Variants in LINGO2 observed in about 807,000 individuals in gnomAD.
LINGO2 encodes leucine rich repeat and Ig domain containing 2.
In LINGO2, 14 loss-of-function variants were observed where a neutral mutation model predicts 30.6. The ratio of observed to expected loss-of-function variants is 0.46; its 90% CI spans 0.30 to 0.72. The LOEUF is 0.72. Ranked by LOEUF, LINGO2 falls within the 30% of genes least tolerant of loss-of-function variation. The pLI is 0.07. For synonymous variants in LINGO2, 317 were observed against 288.5 expected (o/e 1.10, Z -1.00); for missense variants, 729 against 751.7 (o/e 0.97, Z 0.35).
chr9:29,095,477 T>C, the LINGO2 span, among the ~76,000 whole-genome samples: 4 of 137,796 alleles, frequency 2.9e-5, 1 homozygote, highest in Non-Finnish European at 6.3e-5. Context: ...TGAAACACAA[T>C]AGGTTAGCCT....
chr9:28,069,964 G>A (rs1587806561), intron 4 of LINGO2, among the ~76,000 whole-genome samples: 1 of 152,202 alleles, frequency 6.6e-6, no homozygotes, highest in African/African-American at 2.4e-5. Context: ...AGCAGGGGCA[G>A]CTCAAGAAGC....
chr9:28,693,449 G>A, the LINGO2 span, among the ~76,000 whole-genome samples: 181 of 152,022 alleles, frequency 1.2e-3, 1 homozygote, highest in African/African-American at 4.2e-3. Context: ...GATTTTAAGA[G>A]GCCATTATGT....
the LINGO2 span, among the ~76,000 whole-genome samples, chr9:28,970,922 A>G: frequency 6.6e-6 from 1 of 152,168 alleles, no homozygotes; most frequent in African/African-American, 2.4e-5. Context: ...AAGTACTGGC[A>G]TCACTCGTCC....
chr9:28,176,982 C>T (rs1305753960), intron 4 of LINGO2, among the ~76,000 whole-genome samples: 1 of 152,168 alleles, frequency 6.6e-6, no homozygotes, highest in Non-Finnish European at 1.5e-5. Context: ...CACAATAATA[C>T]TTCCTCATTT....
rs546998512 is a variant in LINGO2 at position 28,035,103 on chromosome 9, A to G, written c.-86-22698T>C. 1.6e-4 allele frequency among the ~76,000 whole-genome samples: 25 copies of G among 152,342 alleles called. No homozygotes were observed. In the South Asian group the frequency reaches 5.2e-3, roughly 32 times the overall value. ...CTTTCTAAAAAACCAAAAATTATGC[A>G]TTAGCTTGCAGCACCTACACTCTAG... On this transcript the variant is annotated intron_variant, in intron 4 of 5. Transcript: ENST00000379992.
chr9:28,665,550 G>C (rs1370873902), intron 1 of LINGO2, among the ~76,000 whole-genome samples: 4 of 152,028 alleles, frequency 2.6e-5, no homozygotes, highest in Non-Finnish European at 5.9e-5. Flanking sequence ...CTTCATAAAG[G>C]ATGAAGAAAA....
At chr9:28,965,000 T>C in the LINGO2 span, among the ~76,000 whole-genome samples, 1 of 151,868 alleles carries the variant, frequency 6.6e-6, no homozygotes, top group Admixed American at 6.6e-5. Context: ...ATTTTAAAAA[T>C]AGAAGATAAG....
chr9:28,515,772 T>C (rs1820596814), intron 1 of LINGO2, among the ~76,000 whole-genome samples: 1 of 152,226 alleles, frequency 6.6e-6, no homozygotes. Flanking sequence ...ATAAACTTTG[T>C]TGATAAAGCA....
At chr9:28,495,021 G>A (rs528276611) in intron 1 of LINGO2, among the ~76,000 whole-genome samples, 7 of 152,162 alleles carry the variant, frequency 4.6e-5, no homozygotes, top group African/African-American at 1.4e-4. Flanking sequence ...GTTTTCTTTT[G>A]AGAAGTGTCT....
the LINGO2 span, among the ~76,000 whole-genome samples, chr9:28,681,139 A>C: frequency 1.3e-5 from 2 of 151,894 alleles, no homozygotes; most frequent in East Asian, 3.9e-4. Flanking sequence ...ATAAGGGTCT[A>C]AATTCACTCT....
chr9:28,319,230 C>T (rs945767983), intron 3 of LINGO2, among the ~76,000 whole-genome samples: 1 of 152,042 alleles, frequency 6.6e-6, no homozygotes, highest in East Asian at 1.9e-4. Context: ...TAGGGATGGC[C>T]ACCCACCTTC....
the LINGO2 span, among the ~76,000 whole-genome samples, chr9:28,906,662 A>G: frequency 1.3e-5 from 2 of 151,938 alleles, no homozygotes; most frequent in African/African-American, 4.8e-5. Context: ...AGAATTTAGA[A>G]AGAAATATAA....
chr9:28,248,566 G>T (rs982065213), intron 4 of LINGO2, among the ~76,000 whole-genome samples: 3 of 152,094 alleles, frequency 2.0e-5, no homozygotes, highest in Non-Finnish European at 4.4e-5. Flanking sequence ...ACATCAGGGG[G>T]ACTGTAGTCA....
intron 3 of LINGO2, among the ~76,000 whole-genome samples, chr9:28,368,665 C>T (rs1039403411): frequency 1.3e-4 from 19 of 149,466 alleles, no homozygotes; most frequent in Non-Finnish European, 2.5e-4. Flanking sequence ...GGCGCTATCT[C>T]GGCTCACTGC....
intron 4 of LINGO2, among the ~76,000 whole-genome samples, chr9:28,192,709 C>A (rs1819864767): frequency 6.6e-6 from 1 of 152,160 alleles, no homozygotes; most frequent in South Asian, 2.1e-4. Flanking sequence ...CATGTTTAGA[C>A]ACTTTATGCA....
At chr9:28,399,582 A>G (rs2134736039) in intron 2 of LINGO2, among the ~76,000 whole-genome samples, 1 of 152,300 alleles carries the variant, frequency 6.6e-6, no homozygotes, top group Non-Finnish European at 1.5e-5. Context: ...CATAAATAAA[A>G]TGTTCATCCT....
chr9:28,740,829 A>C, the LINGO2 span, among the ~76,000 whole-genome samples: 1 of 152,102 alleles, frequency 6.6e-6, no homozygotes, highest in African/African-American at 2.4e-5. Flanking sequence ...TGTTCAAAAT[A>C]TTATACATTG....
chr9:28,149,976 C>T (rs1212991357), intron 4 of LINGO2, among the ~76,000 whole-genome samples: 8 of 148,776 alleles, frequency 5.4e-5, no homozygotes, highest in East Asian at 2.0e-4. Context: ...AAATGAGGAG[C>T]GCCTCTGCCT....
chr9:28,553,971 C>A (rs1822477921), intron 1 of LINGO2, among the ~76,000 whole-genome samples: 1 of 152,090 alleles, frequency 6.6e-6, no homozygotes, highest in South Asian at 2.1e-4. Flanking sequence ...CACCACCAGG[C>A]CTGCCCTAAA....
Sources: gnomAD v4.1 joint callset for allele counts (sites outside exome capture counted in the v4.1 genomes callset) on GRCh38, gnomAD v4.1.1 for gene constraint, MANE v1.5 for transcripts, NCBI Gene and HGNC (gene_info 2026-07-23, HGNC 2026-07-21) for gene names.